Variants in KSR1 observed in about 807,000 individuals in gnomAD.
The protein encoded by KSR1 is kinase suppressor of ras 1.
Under a neutral mutation model 92.9 loss-of-function variants are expected in KSR1, and 35 were observed. The ratio of observed to expected loss-of-function variants is 0.38; its 90% CI spans 0.29 to 0.50. The LOEUF is 0.50. Among genes scored for constraint, KSR1 ranks in the 20% least tolerant of loss-of-function variants. The probability of loss-of-function intolerance (pLI) is 0.94; values close to 1 mark genes in which losing one functional copy is unlikely to be tolerated. For synonymous variants in KSR1, 467 were observed against 472.6 expected, an observed-to-expected ratio of 0.99 and a Z score of 0.15; for missense variants, 972 against 1,158.5, an observed-to-expected ratio of 0.84 and a Z score of 2.34.
chr17:27,584,416 C>T (rs1206421732), intron 4 of KSR1, among the ~76,000 whole-genome samples: 1 of 152,120 alleles, frequency 6.6e-6, no homozygotes, highest in Non-Finnish European at 1.5e-5. Flanking sequence ...CAGGTGTCAC[C>T]GACCCTGCTG....
intron 1 of KSR1, chr17:27,526,850 A>G (rs1432880275): frequency 7.1e-6 from 5 of 701,626 alleles, no homozygotes; most frequent in East Asian, 2.5e-5. Context: ...GGGTGGAAGG[A>G]GTGCTCTGCA....
At chr17:27,560,491 T>G (rs370330831) in intron 2 of KSR1, 1 of 518,858 alleles carries the variant, frequency 1.9e-6, no homozygotes, top group Non-Finnish European at 3.8e-6. Context: ...TGACTGGACA[T>G]GTTTCTCTTT....
chr17:27,476,584 G>A (rs2068354747), intron 1 of KSR1, among the ~76,000 whole-genome samples: 2 of 152,172 alleles, frequency 1.3e-5, no homozygotes, highest in African/African-American at 4.8e-5. Flanking sequence ...ACACTCACAG[G>A]GTCCACATTG....
chr17:27,542,186 A>G (rs2070991867), intron 1 of KSR1, among the ~76,000 whole-genome samples: 1 of 152,180 alleles, frequency 6.6e-6, no homozygotes, highest in South Asian at 2.1e-4. Flanking sequence ...CTGACAATCC[A>G]GGTAGAGGAA....
At chr17:27,602,321 C>T (rs1406799527) in intron 11 of KSR1, among the ~76,000 whole-genome samples, 1 of 152,196 alleles carries the variant, frequency 6.6e-6, no homozygotes, top group African/African-American at 2.4e-5. Context: ...TCCCTCTGAA[C>T]AGCTGAGCAG....
intron 5 of KSR1, among the ~76,000 whole-genome samples, chr17:27,586,212 C>A (rs2072961458): frequency 6.6e-6 from 1 of 152,168 alleles, no homozygotes; most frequent in Non-Finnish European, 1.5e-5. Context: ...CCCTTGACCC[C>A]CTTTCCCACC....
chr17:27,615,403 A>G (rs115777996), intron 18 of KSR1, among the ~76,000 whole-genome samples: 209 of 152,354 alleles, frequency 1.4e-3, no homozygotes, highest in African/African-American at 4.7e-3. Context: ...CACTTCATCA[A>G]TTACTCAAAG....
chr17:27,504,664 C>CG (rs967396774), intron 1 of KSR1, among the ~76,000 whole-genome samples: 1 of 152,064 alleles, frequency 6.6e-6, no homozygotes, highest in African/African-American at 2.4e-5. Context: ...AGCACTGTGG[C>CG]GGGGGGATGC....
chr17:27,560,622 C>A (rs1029309024), intron 2 of KSR1, among the ~76,000 whole-genome samples: 10 of 152,230 alleles, frequency 6.6e-5, no homozygotes, highest in African/African-American at 2.4e-4. Flanking sequence ...GTGGCCAGAG[C>A]TCTGTGTGGA....
At chr17:27,622,608 A>G (rs1378247087) in intron 20 of KSR1, 2 of 152,740 alleles carry the variant, frequency 1.3e-5, no homozygotes, top group African/African-American at 4.8e-5. Context: ...ATTGTCTTAA[A>G]GCAAAGAGGT....
chr17:27,557,929 C>T (rs917354602), intron 2 of KSR1: 3 of 152,614 alleles, frequency 2.0e-5, no homozygotes, highest in African/African-American at 7.2e-5. Context: ...AGCTCTGCCG[C>T]ACGGATCATG....
rs567023156 is a variant in KSR1, at chr17:27,571,871, G to A, written c.373-5621G>A. 1.3e-4 allele frequency among the ~76,000 whole-genome samples: 20 copies of A among 152,324 alleles called. No homozygotes were observed. In the South Asian group the frequency reaches 3.3e-3, roughly 25 times the overall value. On this transcript the variant is annotated intron_variant, in intron 2 of 20. Coordinates refer to ENST00000644974, the MANE Select transcript of KSR1 (RefSeq NM_001394583.1). ...CCTGACTGGCCACAGGGAGTGTGGC[G>A]CCTCTCAGTGTCAGCAGGCCCAGGT...
At chr17:27,599,431 C>A (rs558435061) in intron 10 of KSR1, among the ~76,000 whole-genome samples, 1 of 152,322 alleles carries the variant, frequency 6.6e-6, no homozygotes, top group Non-Finnish European at 1.5e-5. Context: ...GTGGCACATA[C>A]CTGTAGTCCC....
chr17:27,461,138 G>A (rs182287184), intron 1 of KSR1, among the ~76,000 whole-genome samples: 10 of 152,292 alleles, frequency 6.6e-5, no homozygotes. Context: ...CTGGAGTACA[G>A]TGGCATGATC....
chr17:27,527,391 GCCCCCC>G (rs57402572), intron 1 of KSR1, among the ~76,000 whole-genome samples: 1 of 26,182 alleles, frequency 3.8e-5, no homozygotes, highest in African/African-American at 1.2e-4. Flanking sequence ...TGGCACACCC[GCCCCCC>G]CCCCCCCCTT....
chr17:27,518,127 A>G (rs1297528766), intron 1 of KSR1, among the ~76,000 whole-genome samples: 1 of 152,144 alleles, frequency 6.6e-6, no homozygotes, highest in African/African-American at 2.4e-5. Flanking sequence ...AGATGCTCTC[A>G]TTGAAATCTA....
intron 3 of KSR1, among the ~76,000 whole-genome samples, chr17:27,580,889 C>T (rs562173624): frequency 1.2e-3 from 179 of 152,252 alleles, no homozygotes; most frequent in African/African-American, 4.0e-3. Flanking sequence ...GCCTCAGCCT[C>T]CCAAGTAGCT....
rs144503636 is a variant in KSR1 at position 27,525,078 on chromosome 17, C to G, written c.232-25490C>G. 2.0e-5 allele frequency among the ~76,000 whole-genome samples: 3 copies of G among 152,342 alleles called. No homozygotes were observed. The East Asian group carries it at 5.8e-4, about 29-fold the overall frequency. On this transcript the variant is annotated intron_variant, in intron 1 of 20. Coordinates refer to ENST00000644974, the MANE Select transcript of KSR1 (RefSeq NM_001394583.1). ...CTCTCAGTCACCCGCATCAGTCCTT[C>G]TGTATATTTTGAGTTGCATTAATTT...
intron 2 of KSR1, among the ~76,000 whole-genome samples, chr17:27,556,974 G>A (rs535987642): frequency 2.6e-4 from 40 of 152,360 alleles, no homozygotes; most frequent in African/African-American, 9.4e-4. Context: ...CAACAGGACA[G>A]CTTGGCTCAC....
Sources: allele counts gnomAD v4.1 joint callset (sites outside exome capture counted in the v4.1 genomes callset), GRCh38; gene constraint gnomAD v4.1.1; transcripts MANE v1.5; gene names NCBI Gene and HGNC (gene_info 2026-07-23, HGNC 2026-07-21).